LEPR: variants seen among roughly 807,000 people sequenced by gnomAD.
LEPR encodes the protein OB receptor.
LEPR carries 56 observed loss-of-function variants against 114.7 expected under a neutral mutation model. That is an observed-to-expected ratio of 0.49 (90% CI 0.39 to 0.61). The LOEUF is 0.61. Among genes scored for constraint, LEPR ranks in the 20% least tolerant of loss-of-function variants. The pLI is 0.00. For missense variants in LEPR, 1,202 were observed against 1,352.9 expected (o/e 0.89, Z 1.75); for synonymous variants, 443 against 461.4 (o/e 0.96, Z 0.51).
intron 2 of LEPR, among the ~76,000 whole-genome samples, chr1:65,501,370 T>C (rs1287700708): frequency 6.6e-6 from 1 of 151,702 alleles, no homozygotes; most frequent in Non-Finnish European, 1.5e-5. Context: ...AGCATAACTC[T>C]AATCTCTGCC....
At chr1:65,460,685 C>T (rs1444786088) in intron 2 of LEPR, among the ~76,000 whole-genome samples, 6 of 151,868 alleles carry the variant, frequency 4.0e-5, no homozygotes, top group Admixed American at 1.3e-4. Flanking sequence ...GGTGAAACCC[C>T]GTCTCTACTA....
At chr1:65,618,245 A>G (rs1657648840) in intron 16 of LEPR, 99 bp downstream of exon 16, 2 of 1,043,838 alleles carry the variant, frequency 1.9e-6, no homozygotes, top group Non-Finnish European at 2.8e-6. Flanking sequence ...AACTTCAAAA[A>G]TATAGAGGAT....
intron 2 of LEPR, among the ~76,000 whole-genome samples, chr1:65,475,747 G>A (rs538130226): frequency 2.2e-4 from 34 of 152,246 alleles, no homozygotes; most frequent in African/African-American, 7.9e-4. Context: ...CAGGCATGGT[G>A]GCTAACACCT....
intron 5 of LEPR, among the ~76,000 whole-genome samples, chr1:65,581,210 A>G (rs1557676737): frequency 6.6e-6 from 1 of 152,082 alleles, no homozygotes; most frequent in Admixed American, 6.6e-5. Context: ...TGCTTTTTCT[A>G]TAATCTCCAT....
At position 65,636,446 on chromosome 1, in the gene LEPR, G is replaced by A. The variant is rs771449483; in HGVS notation, c.2929G>A (p.Glu977Lys). ...GGGTACTGAGGTAACCTATGAGGAC[G>A]AAAGCCAGAGACAACCCTTTGTTAA... ...AEGTEVTYED[E>K]SQRQPFVKYA... The change falls in exon 20 of 20, where the codon GAA (glutamate) becomes AAA (lysine). Residue 977 changes from glutamate to lysine, a missense_variant. Glu to Lys is a moderately conservative substitution (Grantham distance 56, BLOSUM62 1). Transcript: ENST00000349533. 3.7e-6 allele frequency: 6 copies of A among 1,614,050 alleles called. No individual in the cohort carries two copies. The highest frequency in any genetic ancestry group is 1.7e-5 in the Admixed American group (1 of 59,978).
intron 2 of LEPR, among the ~76,000 whole-genome samples, chr1:65,545,981 TG>T (rs1190564625): frequency 1.3e-5 from 2 of 151,758 alleles, no homozygotes; most frequent in African/African-American, 4.8e-5. Context: ...AATTAATTTT[TG>T]TATAAGGTGT....
At chr1:65,473,125 C>T (rs534077609) in intron 2 of LEPR, among the ~76,000 whole-genome samples, 6 of 152,326 alleles carry the variant, frequency 3.9e-5, no homozygotes, top group South Asian at 2.1e-4. Context: ...ACGGCTTGCC[C>T]TGTGCCAGGG....
chr1:65,535,053 T>A (rs946728705), intron 2 of LEPR, among the ~76,000 whole-genome samples: 2 of 152,128 alleles, frequency 1.3e-5, no homozygotes, highest in Non-Finnish European at 2.9e-5. Context: ...CCAACAGAAT[T>A]TCTGAACCAA....
intron 2 of LEPR, among the ~76,000 whole-genome samples, chr1:65,507,508 TATAC>T (rs1401861646): frequency 2.9e-5 from 4 of 136,832 alleles, no homozygotes; most frequent in Middle Eastern, 3.7e-3. Flanking sequence ...TGTATATATA[TATAC>T]ATATATATGT....
intron 2 of LEPR, among the ~76,000 whole-genome samples, chr1:65,545,126 G>A (rs1343633958): frequency 6.7e-6 from 1 of 149,996 alleles, no homozygotes; most frequent in South Asian, 2.1e-4. Context: ...TCCCTACAAA[G>A]GACATGAACT....
intron 19 of LEPR, chr1:65,629,189 C>G (rs555326173): frequency 3.3e-4 from 72 of 215,420 alleles, no homozygotes; most frequent in African/African-American, 1.6e-3. Context: ...ACTTCCATTT[C>G]TTGTTCTTTT....
chr1:65,626,543 G>A (rs1658224246), intron 19 of LEPR, among the ~76,000 whole-genome samples: 1 of 152,096 alleles, frequency 6.6e-6, no homozygotes, highest in South Asian at 2.1e-4. Context: ...AAGAGTAAAG[G>A]AGAATATAAC....
At chr1:65,618,212 T>C in intron 16 of LEPR, 66 bp downstream of exon 16, 2 of 1,410,908 alleles carry the variant, frequency 1.4e-6, no homozygotes, top group Non-Finnish European at 9.8e-7. Flanking sequence ...TTATTAATTC[T>C]ATTAATATAG....
At chr1:65,586,322 A>T (rs1048463800) in intron 5 of LEPR, among the ~76,000 whole-genome samples, 1 of 152,052 alleles carries the variant, frequency 6.6e-6, no homozygotes, top group African/African-American at 2.4e-5. Flanking sequence ...AAATTGTAAT[A>T]ATGAAATTTG....
rs374495258 is a variant in LEPR at position 65,584,962 on chromosome 1, G to A, written c.495-7695G>A. On this transcript the variant is annotated intron_variant, in intron 5 of 19. Coordinates refer to ENST00000349533, the MANE Select transcript of LEPR (RefSeq NM_002303.6). ...TCCTTGATAAGATTTATCTAGGTCAGCACTACTTACTTGGCATTCAATAGG... is the reference window on the plus strand; with the variant it reads ...TCCTTGATAAGATTTATCTAGGTCAACACTACTTACTTGGCATTCAATAGG... 1.1e-3 allele frequency among the ~76,000 whole-genome samples: 164 copies of A among 152,018 alleles called. 1 individual carries two copies. Among genetic ancestry groups the A allele is most frequent in the African/African-American group, 3.7e-3 (154 of 41,508 alleles).
At chr1:65,438,025 C>G (rs79160459) in intron 2 of LEPR, among the ~76,000 whole-genome samples, 17,388 of 151,210 alleles carry the variant, frequency 0.11, 1,814 homozygotes, top group African/African-American at 0.28. Context: ...CCAGGCTGCT[C>G]TCCAACCCTG....
chr1:65,489,881 C>A (rs1454810097), intron 2 of LEPR, among the ~76,000 whole-genome samples: 1 of 152,084 alleles, frequency 6.6e-6, no homozygotes, highest in Admixed American at 6.6e-5. Context: ...TGAGAGGGGA[C>A]TTGATAAAGA....
intron 2 of LEPR, among the ~76,000 whole-genome samples, chr1:65,532,172 C>T (rs1424611487): frequency 1.3e-5 from 2 of 152,174 alleles, no homozygotes; most frequent in South Asian, 2.1e-4. Flanking sequence ...ATCTTCAAAT[C>T]TCATGGGCTT....
chr1:65,556,929 A>G (rs1652852322), intron 2 of LEPR, among the ~76,000 whole-genome samples: 1 of 152,188 alleles, frequency 6.6e-6, no homozygotes, highest in African/African-American at 2.4e-5. Flanking sequence ...CTACTGTGTT[A>G]GAGAGACATG....
Sources: gnomAD v4.1 joint callset for allele counts (sites outside exome capture counted in the v4.1 genomes callset) on GRCh38, gnomAD v4.1.1 for gene constraint, MANE v1.5 for transcripts, NCBI Gene and HGNC (gene_info 2026-07-23, HGNC 2026-07-21) for gene names.